Variants in KLF12 observed in about 807,000 individuals in gnomAD.
The protein encoded by KLF12 is KLF transcription factor 12, also known as Krueppel-like factor 12.
Under a neutral mutation model 37.8 loss-of-function variants are expected in KLF12, and 9 were observed. That is an observed-to-expected ratio of 0.24 (90% CI 0.14 to 0.42). The LOEUF (loss-of-function observed/expected upper bound fraction) is 0.42. Ranked by LOEUF, KLF12 falls within the 10% of genes least tolerant of loss-of-function variation. The pLI, the probability that KLF12 is intolerant of heterozygous loss-of-function variation, is 1.00. For missense variants in KLF12, 411 were observed against 516.0 expected, an observed-to-expected ratio of 0.80 and a Z score of 1.97; for synonymous variants, 208 against 202.1, an observed-to-expected ratio of 1.03 and a Z score of -0.25.
At chr13:74,096,868 A>G (rs1876015228) in intron 1 of KLF12, among the ~76,000 whole-genome samples, 1 of 152,164 alleles carries the variant, frequency 6.6e-6, no homozygotes, top group Non-Finnish European at 1.5e-5. Context: ...AAAAGGTGGA[A>G]AACAGTTTAT....
At chr13:73,984,243 T>C (rs4885141) in intron 2 of KLF12, among the ~76,000 whole-genome samples, 103,766 of 151,880 alleles carry the variant, frequency 0.68, 36,415 homozygotes, top group Middle Eastern at 0.83. Context: ...TTTTGGGTTA[T>C]AAGAGCCACC....
At chr13:74,020,583 C>T (rs1476766569) in intron 1 of KLF12, among the ~76,000 whole-genome samples, 1 of 152,118 alleles carries the variant, frequency 6.6e-6, no homozygotes, top group Non-Finnish European at 1.5e-5. Flanking sequence ...ATTGTTTAGA[C>T]TTTTCCATAA....
At chr13:73,882,669 T>C (rs2138961466) in intron 3 of KLF12, among the ~76,000 whole-genome samples, 1 of 152,326 alleles carries the variant, frequency 6.6e-6, no homozygotes, top group Middle Eastern at 3.4e-3. Flanking sequence ...GTGATTTAAA[T>C]AAAAATTATA....
At chr13:74,049,094 G>A (rs1014992634) in intron 1 of KLF12, among the ~76,000 whole-genome samples, 1 of 152,168 alleles carries the variant, frequency 6.6e-6, no homozygotes, top group African/African-American at 2.4e-5. Context: ...ACATATCCTC[G>A]TGAACACAGC....
Position 73,769,035 on chromosome 13 carries a change from G to A in KLF12, c.807-4035C>T, listed in dbSNP as rs140062398. 2.2e-3 allele frequency among the ~76,000 whole-genome samples: 329 copies of A among 152,232 alleles called. 1 individual carries two copies. The highest frequency in any genetic ancestry group is 3.6e-3 in the Non-Finnish European group (247 of 68,030). On this transcript the variant is annotated intron_variant, in intron 5 of 7. Transcript: ENST00000377669. ...TTTATAATATAAGTAGATATAAAGT[G>A]GAAGTAATGGTTTTCTTGGACTAAA... is the stretch of plus-strand genomic sequence containing the variant.
intron 1 of KLF12, among the ~76,000 whole-genome samples, chr13:74,002,446 C>T (rs907937364): frequency 6.6e-6 from 1 of 152,202 alleles, no homozygotes; most frequent in African/African-American, 2.4e-5. Context: ...ACCATCATGG[C>T]TCACTGCAGC....
At chr13:73,708,638 G>T (rs534941932) in intron 7 of KLF12, among the ~76,000 whole-genome samples, 211 of 152,226 alleles carry the variant, frequency 1.4e-3, no homozygotes, top group African/African-American at 4.7e-3. Context: ...CTGCATTGTA[G>T]AAATTACTAG....
intron 6 of KLF12, among the ~76,000 whole-genome samples, chr13:73,732,196 G>C (rs1345948324): frequency 2.0e-5 from 3 of 150,526 alleles, no homozygotes; most frequent in African/African-American, 7.3e-5. Flanking sequence ...TGATTCTCCT[G>C]TCTTAGCTTC....
chr13:74,068,496 C>T (rs1874043652), intron 1 of KLF12, among the ~76,000 whole-genome samples: 1 of 151,800 alleles, frequency 6.6e-6, no homozygotes, highest in Non-Finnish European at 1.5e-5. Flanking sequence ...AGTGTGGATC[C>T]TACATCCAAA....
chr13:74,131,021 T>C (rs1436804256), intron 1 of KLF12, among the ~76,000 whole-genome samples: 2 of 152,208 alleles, frequency 1.3e-5, no homozygotes, highest in African/African-American at 4.8e-5. Flanking sequence ...ACAATATGCC[T>C]TCACTGGGTA....
the KLF12 span, among the ~76,000 whole-genome samples, chr13:74,227,586 G>C: frequency 6.6e-6 from 1 of 151,884 alleles, no homozygotes; most frequent in South Asian, 2.1e-4. Context: ...ATGGCTCCTT[G>C]CTTAAAGGTT....
chr13:73,870,981 A>G (rs182614451), intron 3 of KLF12, among the ~76,000 whole-genome samples: 1 of 152,310 alleles, frequency 6.6e-6, no homozygotes, highest in Non-Finnish European at 1.5e-5. Context: ...AAATAAGTAC[A>G]AAGTATGAGA....
chr13:74,240,078 GT>G, the KLF12 span, among the ~76,000 whole-genome samples: 1 of 152,022 alleles, frequency 6.6e-6, no homozygotes, highest in Non-Finnish European at 1.5e-5. Context: ...GCAGCGGCTG[GT>G]ACCGGTTGTT....
chr13:73,708,931 C>G (rs1234254658), intron 7 of KLF12, among the ~76,000 whole-genome samples: 1 of 152,154 alleles, frequency 6.6e-6, no homozygotes, highest in Non-Finnish European at 1.5e-5. Flanking sequence ...ACAATTTAGA[C>G]AGTGGATATA....
intron 1 of KLF12, among the ~76,000 whole-genome samples, chr13:74,086,390 T>C (rs1256111680): frequency 6.6e-6 from 1 of 151,428 alleles, no homozygotes; most frequent in African/African-American, 2.4e-5. Context: ...GTCCTTGCGA[T>C]AGTTTGCTGA....
intron 4 of KLF12, among the ~76,000 whole-genome samples, chr13:73,829,737 G>A (rs534899160): frequency 1.3e-5 from 2 of 151,994 alleles, no homozygotes; most frequent in East Asian, 3.9e-4. Flanking sequence ...GAGCTCCCCA[G>A]TATCTTTTCT....
Position 73,686,720 on chromosome 13 carries a change from A to G in KLF12, c.*8770T>C, listed in dbSNP as rs1343681156. Reference sequence around the variant, plus strand: ...AGACCCAAGAGTGTTTTGTAAAATTACATCCATAAAGCAAATCAGATGCAG... The same window carrying G: ...AGACCCAAGAGTGTTTTGTAAAATTGCATCCATAAAGCAAATCAGATGCAG... On this transcript the variant is annotated 3_prime_UTR_variant, in exon 8 of 8. Transcript: ENST00000377669. 4 of 152,196 alleles carry G rather than the reference A, an allele frequency of 2.6e-5. No homozygotes were observed. The highest frequency in any genetic ancestry group is 9.6e-5 in the African/African-American group (4 of 41,456). The allele number at this position is 152,196 out of a possible 1,614,324, so 9.4% of individuals were successfully genotyped here.
chr13:74,011,387 C>T (rs1252059706), intron 1 of KLF12, among the ~76,000 whole-genome samples: 1 of 152,138 alleles, frequency 6.6e-6, no homozygotes, highest in Non-Finnish European at 1.5e-5. Flanking sequence ...CTACATGTAG[C>T]TAGTGCAATT....
intron 1 of KLF12, among the ~76,000 whole-genome samples, chr13:74,005,447 T>A (rs565322075): frequency 6.6e-6 from 1 of 152,304 alleles, no homozygotes; most frequent in Admixed American, 6.5e-5. Context: ...TATTTCAAAA[T>A]TTAAAAAGGC....
Sources: gnomAD v4.1 joint callset for allele counts (sites outside exome capture counted in the v4.1 genomes callset) on GRCh38, gnomAD v4.1.1 for gene constraint, MANE v1.5 for transcripts, NCBI Gene and HGNC (gene_info 2026-07-23, HGNC 2026-07-21) for gene names.